The following S100A14 variants were observed in gnomAD, a reference collection of about 807,000 sequenced individuals.
S100A14 encodes the protein S100 calcium binding protein A14.
In S100A14, 6 loss-of-function variants were observed where a neutral mutation model predicts 10.6. The observed-to-expected ratio is 0.57, with a 90% CI of 0.31 to 1.12. S100A14 has a LOEUF of 1.12. Ranked by LOEUF, S100A14 falls within the 50% of genes most tolerant of loss-of-function variation. The pLI is 0.06. For synonymous variants in S100A14, 51 were observed against 51.0 expected (o/e 1.00, Z 0.00); for missense variants, 121 against 128.7 (o/e 0.94, Z 0.29).
Position 153,615,272 on chromosome 1 carries a change from C to G in S100A14, c.140G>C (p.Arg47Pro). ...GGGCAGCTGCTGGGTGACCAGGTCC[C>G]GTAGCTCAGAAGGGGTCAGCGTCTC... ...GKETLTPSEL[R>P]DLVTQQLPHL... is the part of the protein sequence containing the mutation. Residue 47 changes from arginine (R) to proline (P), a missense_variant, in exon 3 of 4, where the codon CGG (arginine) becomes CCG (proline). By Grantham distance (103) the Arg-to-Pro change is moderately radical. Transcript: ENST00000344616. 1 of 1,613,944 alleles carries G rather than the reference C, an allele frequency of 6.2e-7. No homozygotes were observed. The highest frequency in any genetic ancestry group is 8.5e-7 in the Non-Finnish European group (1 of 1,179,974).
Position 153,615,252 on chromosome 1 carries a change from G to C in S100A14, c.160C>G (p.Leu54Val). The C allele has an allele frequency of 1.2e-6, 2 of 1,613,938 alleles. No individual in the cohort carries two copies. The highest frequency in any genetic ancestry group is 2.7e-5 in the African/African-American group (2 of 75,014). ...SELRDLVTQQ[L>V]PHLMPSNCGL... Reference sequence around the variant, plus strand: ...GTCCATACCGGCATGAGATGGGGCAGCTGCTGGGTGACCAGGTCCCGTAGC... The same window carrying C: ...GTCCATACCGGCATGAGATGGGGCACCTGCTGGGTGACCAGGTCCCGTAGC... The change falls in exon 3 of 4, where the codon CTG becomes GTG. Residue 54 changes from leucine (L) to valine (V), a missense_variant. By Grantham distance (32) the Leu-to-Val change is conservative (BLOSUM62 1). Transcript: ENST00000344616.
intron 3 of S100A14, 58 bp from the exon 4 acceptor site, chr1:153,615,080 C>T (rs1258263650): frequency 5.0e-6 from 8 of 1,596,794 alleles, no homozygotes; most frequent in African/African-American, 1.3e-5. Context: ...TCTTCCCACC[C>T]CACCCTGCCC....
chr1:153,615,069 A>T, intron 3 of S100A14, 47 bp from the exon 4 acceptor site: 1 of 1,604,428 alleles, frequency 6.2e-7, no homozygotes, highest in Non-Finnish European at 8.5e-7. Flanking sequence ...GCACCTTCCA[A>T]TCTTCCCACC....
chr1:153,616,155 C>T (rs576661417), intron 1 of S100A14, 140 bp downstream of exon 1: 33 of 339,438 alleles, frequency 9.7e-5, no homozygotes, highest in African/African-American at 6.6e-4. Context: ...TAGCTTAATT[C>T]TTTCCACCTC....
At position 153,614,689 on chromosome 1, in the gene S100A14, TG is replaced by T; in HGVS notation, c.*195del. 1.7e-6 allele frequency: 1 copy of T among 588,084 alleles called. No individual in the cohort carries two copies. The highest frequency in any genetic ancestry group is 1.9e-5 in the African/African-American group (1 of 53,966). 36.4% of individuals were successfully genotyped at this position (588,084 alleles called of 1,614,324 possible). A position where few individuals can be genotyped will look rare whatever the true frequency, so the allele number is the denominator to read the frequency against. ...CCAACCAGTCCCCTGAGCCTCCCTC[TG>T]GTGGAGACTCCTCCACCCATGAGCT... On this transcript the variant is annotated 3_prime_UTR_variant, in exon 4 of 4. Coordinates refer to ENST00000344616, the MANE Select transcript of S100A14 (RefSeq NM_020672.3).
chr1:153,615,963 G>A, intron 1 of S100A14, 27 bp from the exon 2 acceptor site: 1 of 1,089,280 alleles, frequency 9.2e-7, no homozygotes, highest in Non-Finnish European at 1.4e-6. Context: ...GTAGGCCTGA[G>A]CTGAGGAGAG....
Position 153,614,968 on chromosome 1 carries a change from TAG to T in S100A14, c.230_231del (p.Ser77Ter). 6.2e-7 allele frequency: 1 copy of T among 1,613,962 alleles called. No individual in the cohort carries two copies. Among genetic ancestry groups the T allele is most frequent in the Admixed American group, 1.7e-5 (1 of 60,002 alleles). ...KIANLGSCND[S>X]KLEFRSFWEL... is the part of the protein sequence containing the mutation. ...TCCCAGAAACTCCTGAACTCCAGTT[TAG>T]AGTCATTGCAGCTGCCCAGGTTGGC... is the stretch of plus-strand genomic sequence containing the variant. On this transcript the variant is annotated frameshift_variant, in exon 4 of 4. Coordinates refer to ENST00000344616, the MANE Select transcript of S100A14 (RefSeq NM_020672.3). LOFTEE classifies it high-confidence loss of function.
rs1571272696 is a variant in S100A14, at chr1:153,614,812, G to A, written c.*73C>T. 2 of 1,546,738 alleles carry A rather than the reference G, an allele frequency of 1.3e-6. No individual in the cohort carries two copies. The highest frequency in any genetic ancestry group is 1.8e-6 in the Non-Finnish European group (2 of 1,137,518). ...GTGCAGGCTAGGGTACAGGGTGGTG[G>A]TAGAGGAGACAAGTTTTATCTCCAG... is the stretch of plus-strand genomic sequence containing the variant. On this transcript the variant is annotated 3_prime_UTR_variant, in exon 4 of 4. Coordinates refer to ENST00000344616, the MANE Select transcript of S100A14 (RefSeq NM_020672.3).
Position 153,614,544 on chromosome 1 carries a change from C to T in S100A14, c.*341G>A, listed in dbSNP as rs1444245058. The T allele has an allele frequency of 9.3e-6, 2 of 214,102 alleles. No individual in the cohort carries two copies. The highest frequency in any genetic ancestry group is 2.2e-4 in the South Asian group (2 of 9,246). The allele number at this position is 214,102 out of a possible 1,614,324, so 13.3% of individuals were successfully genotyped here. ...CCCTTTTTTAGTACCAGATATCCAG[C>T]CATATTCCCAGCTCCATTATTCAAA... On this transcript the variant is annotated 3_prime_UTR_variant, in exon 4 of 4. Transcript: ENST00000344616.
Position 153,614,791 on chromosome 1 carries a change from A to G in S100A14, c.*94T>C. 15 of 1,433,126 alleles carry G rather than the reference A, an allele frequency of 1.0e-5. No individual in the cohort carries two copies. Among genetic ancestry groups the G allele is most frequent in the Non-Finnish European group, 1.4e-5 (15 of 1,052,014 alleles). The allele number at this position is 1,433,126 out of a possible 1,614,324, so 88.8% of individuals were successfully genotyped here. Reference sequence around the variant, plus strand: ...ACTTTGCAGAGATGAGGACAGGTGCAGGCTAGGGTACAGGGTGGTGGTAGA... The same window carrying G: ...ACTTTGCAGAGATGAGGACAGGTGCGGGCTAGGGTACAGGGTGGTGGTAGA... On this transcript the variant is annotated 3_prime_UTR_variant, in exon 4 of 4. Coordinates refer to ENST00000344616, the MANE Select transcript of S100A14 (RefSeq NM_020672.3).
chr1:153,614,359 C>T lies in S100A14; in HGVS notation c.*526G>A, dbSNP rs942786246. 14 of 154,024 alleles carry T rather than the reference C, an allele frequency of 9.1e-5. No homozygotes were observed. Among genetic ancestry groups the T allele is most frequent in the African/African-American group, 3.4e-4 (14 of 41,462 alleles). 9.5% of individuals were successfully genotyped at this position (154,024 alleles called of 1,614,324 possible). On this transcript the variant is annotated 3_prime_UTR_variant, in exon 4 of 4. Transcript: ENST00000344616. ...GTCCTCTCCCCACATGTCACACTCT[C>T]CTCAGCCTCTCCCCCAACCCTGCTC...
rs1242544946 is a variant in S100A14, at chr1:153,614,913, T to C, written c.287A>G (p.Lys96Arg). Reference protein sequence around the residue: ...ELIGEAAKSVKLERPVRGH With the variant: ...ELIGEAAKSVRLERPVRGH Reference sequence around the variant, plus strand: ...GTGCCCCCGGACAGGCCTCTCCAGCTTCACACTCTTGGCCGCTTCTCCAAT... The same window carrying C: ...GTGCCCCCGGACAGGCCTCTCCAGCCTCACACTCTTGGCCGCTTCTCCAAT... The change falls in exon 4 of 4, where the codon AAG becomes AGG. Residue 96 changes from lysine to arginine, a missense_variant. Coordinates refer to ENST00000344616, the MANE Select transcript of S100A14 (RefSeq NM_020672.3). 1 of 1,613,854 alleles carries C rather than the reference T, an allele frequency of 6.2e-7. No homozygotes were observed. The highest frequency in any genetic ancestry group is 8.5e-7 in the Non-Finnish European group (1 of 1,180,002).
At position 153,615,871 on chromosome 1, in the gene S100A14, GT is replaced by G; in HGVS notation, c.-14del. 1 of 1,613,838 alleles carries G rather than the reference GT, an allele frequency of 6.2e-7. No individual in the cohort carries two copies. The highest frequency in any genetic ancestry group is 8.5e-7 in the Non-Finnish European group (1 of 1,179,784). ...GACACTGTCCCATGGTGCCCACTGT[GT>G]CTGGTCCTTTGGTGAGAGTTCTGTT... On this transcript the variant is annotated 5_prime_UTR_variant, in exon 2 of 4. Coordinates refer to ENST00000344616, the MANE Select transcript of S100A14 (RefSeq NM_020672.3).
chr1:153,615,481 G>T, intron 2 of S100A14, 100 bp from the exon 3 acceptor site: 1 of 1,394,324 alleles, frequency 7.2e-7, no homozygotes, highest in Non-Finnish European at 9.7e-7. Context: ...GAAGGCAGCT[G>T]GAAGGCACAC....
At position 153,614,297 on chromosome 1, in the gene S100A14, A is replaced by G. The variant is rs918534735; in HGVS notation, c.*588T>C. 1 of 152,242 alleles carries G rather than the reference A, an allele frequency of 6.6e-6. No homozygotes were observed. Among genetic ancestry groups the G allele is most frequent in the Non-Finnish European group, 1.5e-5 (1 of 68,110 alleles). The allele number at this position is 152,242 out of a possible 1,614,324, so 9.4% of individuals were successfully genotyped here. On this transcript the variant is annotated 3_prime_UTR_variant, in exon 4 of 4. Transcript: ENST00000344616. ...TTTTTTATTAATCAAATGATACAAA[A>G]CAACCATCATTCTGTCAATGCCCAA...
At chr1:153,615,172 G>T in intron 3 of S100A14, 63 bp downstream of exon 3, 2 of 1,600,264 alleles carry the variant, frequency 1.2e-6, no homozygotes, top group Non-Finnish European at 1.7e-6. Flanking sequence ...TGTGGGTGGG[G>T]TCCCGGAGCA....
chr1:153,616,161 A>C (rs1340245724), intron 1 of S100A14, 134 bp downstream of exon 1: 1 of 304,422 alleles, frequency 3.3e-6, no homozygotes, highest in East Asian at 5.2e-5. Flanking sequence ...AATTCTTTCC[A>C]CCTCCTCCAA....
chr1:153,614,673 C>G lies in S100A14; in HGVS notation c.*212G>C, dbSNP rs558867691. 2 of 540,420 alleles carry G rather than the reference C, an allele frequency of 3.7e-6. No individual in the cohort carries two copies. The highest frequency in any genetic ancestry group is 7.1e-5 in the Admixed American group (2 of 28,246). 33.5% of individuals were successfully genotyped at this position (540,420 alleles called of 1,614,324 possible). On this transcript the variant is annotated 3_prime_UTR_variant, in exon 4 of 4. Transcript: ENST00000344616. Reference sequence around the variant, plus strand: ...AATATTCATCCCTGGCCCAACCAGTCCCCTGAGCCTCCCTCTGGTGGAGAC... The same window carrying G: ...AATATTCATCCCTGGCCCAACCAGTGCCCTGAGCCTCCCTCTGGTGGAGAC...
Position 153,614,893 on chromosome 1 carries a change from C to A in S100A14, c.307G>T (p.Gly103Trp). The A allele has an allele frequency of 6.2e-7, 1 of 1,613,642 alleles. No individual in the cohort carries two copies. The highest frequency in any genetic ancestry group is 8.5e-7 in the Non-Finnish European group (1 of 1,179,810). Reference protein sequence around the residue: ...KSVKLERPVRGH With the variant: ...KSVKLERPVRWH ...AATTCCAGAGGGAGTTCTCAGTGCC[C>A]CCGGACAGGCCTCTCCAGCTTCACA... is the stretch of plus-strand genomic sequence containing the variant. Residue 103 changes from glycine (G) to tryptophan (W), a missense_variant, in exon 4 of 4, where the codon GGG (glycine) becomes TGG (tryptophan). By Grantham distance (184) the Gly-to-Trp change is radical. Coordinates refer to ENST00000344616, the MANE Select transcript of S100A14 (RefSeq NM_020672.3).
Sources: allele counts gnomAD v4.1 joint callset, GRCh38; gene constraint gnomAD v4.1.1; transcripts MANE v1.5; gene names NCBI Gene and HGNC (gene_info 2026-07-23, HGNC 2026-07-21).